Variants in ELOVL5 observed in about 807,000 individuals in gnomAD.
ELOVL5 encodes very long chain fatty acid elongase 5.
ELOVL5 carries 8 observed loss-of-function variants against 38.6 expected under a neutral mutation model. The ratio of observed to expected loss-of-function variants is 0.21; its 90% CI spans 0.12 to 0.37. The LOEUF (loss-of-function observed/expected upper bound fraction) is 0.37, where lower values mean the gene tolerates loss of function less well. ELOVL5 is among the 10% of genes least tolerant of loss of function. The pLI, the probability that ELOVL5 is intolerant of heterozygous loss-of-function variation, is 1.00. For synonymous variants in ELOVL5, 127 were observed against 133.7 expected, an observed-to-expected ratio of 0.95 and a Z score of 0.34; for missense variants, 280 against 367.8, an observed-to-expected ratio of 0.76 and a Z score of 1.95.
chr6:53,348,019 A>ACCC (rs1769638840), intron 1 of ELOVL5, among the ~76,000 whole-genome samples: 2 of 101,090 alleles, frequency 2.0e-5, no homozygotes, highest in African/African-American at 6.0e-5. Flanking sequence ...GCAGAGCACA[A>ACCC]CCGCCCCCCC....
At chr6:53,338,839 T>G (rs1196114894) in intron 1 of ELOVL5, among the ~76,000 whole-genome samples, 1 of 152,232 alleles carries the variant, frequency 6.6e-6, no homozygotes, top group Admixed American at 6.5e-5. Flanking sequence ...TTTGAGGAAA[T>G]TATCAATTGA....
intron 1 of ELOVL5, among the ~76,000 whole-genome samples, chr6:53,347,905 T>C (rs1160248979): frequency 6.6e-6 from 1 of 152,160 alleles, no homozygotes; most frequent in African/African-American, 2.4e-5. Flanking sequence ...CATTGCTCCG[T>C]CGACCCGAGG....
intron 1 of ELOVL5, among the ~76,000 whole-genome samples, chr6:53,324,993 CT>C (rs1768477740): frequency 6.6e-6 from 1 of 152,224 alleles, no homozygotes; most frequent in South Asian, 2.1e-4. Flanking sequence ...AAGCCAAAGA[CT>C]TTTTTTCTGG....
intron 1 of ELOVL5, among the ~76,000 whole-genome samples, chr6:53,323,352 C>A (rs543463630): frequency 6.6e-6 from 1 of 152,116 alleles, no homozygotes; most frequent in African/African-American, 2.4e-5. Context: ...TTATGTGACA[C>A]TTAATTTGGT....
chr6:53,317,606 G>A (rs1386123970), intron 1 of ELOVL5, among the ~76,000 whole-genome samples: 1 of 151,826 alleles, frequency 6.6e-6, no homozygotes, highest in East Asian at 1.9e-4. Flanking sequence ...AGAACACATG[G>A]ACATAGGAAG....
At chr6:53,344,559 A>C (rs1239737670) in intron 1 of ELOVL5, among the ~76,000 whole-genome samples, 32 of 152,186 alleles carry the variant, frequency 2.1e-4, no homozygotes, top group Admixed American at 2.1e-3. Context: ...TCTGAGCTGG[A>C]ATGCTTTGTG....
chr6:53,278,297 T>C (rs1394267798), intron 3 of ELOVL5, among the ~76,000 whole-genome samples: 1 of 152,140 alleles, frequency 6.6e-6, no homozygotes, highest in African/African-American at 2.4e-5. Flanking sequence ...CATTCATGAA[T>C]GTCTATCTTG....
rs770608544 is a variant in ELOVL5 at position 53,348,940 on chromosome 6, G to A, written c.-132C>T. ...AGACACCGGTGGCTAGGACCCGCGC[G>A]ATGGGAAGAGGAAGGCGCCGGCTAT... is the stretch of plus-strand genomic sequence containing the variant. On this transcript the variant is annotated 5_prime_UTR_variant, in exon 1 of 8. Transcript: ENST00000304434. The A allele has an allele frequency of 3.2e-5, 14 of 434,644 alleles. No homozygotes were observed. Among genetic ancestry groups the A allele is most frequent in the South Asian group, 9.5e-5 (6 of 62,986 alleles). The allele number at this position is 434,644 out of a possible 1,614,324, so 26.9% of individuals were successfully genotyped here.
chr6:53,322,447 T>C lies in ELOVL5; in HGVS notation c.-9+26370A>G, dbSNP rs564105012. On this transcript the variant is annotated intron_variant, in intron 1 of 7. Coordinates refer to ENST00000304434, the MANE Select transcript of ELOVL5 (RefSeq NM_021814.5). ...AAAGCAGTATAAAACAGCTTGACTT[T>C]TCCAATCCCATGCGGAGGCACTAAG... 3.4e-4 allele frequency among the ~76,000 whole-genome samples: 52 copies of C among 152,324 alleles called. 1 individual carries two copies. Among genetic ancestry groups the C allele is most frequent in the Admixed American group, 1.6e-3 (25 of 15,296 alleles).
At chr6:53,335,965 C>A (rs1163865327) in intron 1 of ELOVL5, among the ~76,000 whole-genome samples, 1 of 152,180 alleles carries the variant, frequency 6.6e-6, no homozygotes, top group African/African-American at 2.4e-5. Context: ...CAGGGTCATA[C>A]TAGCCCTGAA....
At position 53,328,979 on chromosome 6, in the gene ELOVL5, AT is replaced by A. The variant is rs574538665; in HGVS notation, c.-9+19837del. On this transcript the variant is annotated intron_variant, in intron 1 of 7. Transcript: ENST00000304434. ...CAAAAAGTACCTTACAGATATGTTC[AT>A]TTGATAAAAAGACCAAAACCAGCCC... 1.2e-3 allele frequency among the ~76,000 whole-genome samples: 185 copies of A among 152,370 alleles called. 1 individual carries two copies. Among genetic ancestry groups the A allele is most frequent in the Non-Finnish European group, 2.4e-3 (160 of 68,034 alleles).
At position 53,322,883 on chromosome 6, in the gene ELOVL5, C is replaced by T. The variant is rs116712645; in HGVS notation, c.-9+25934G>A. Reference sequence around the variant, plus strand: ...GAGTTAAGAGGATTTCATTATGAAACCATAATATTCTTCCTTTATTGAGTC... The same window carrying T: ...GAGTTAAGAGGATTTCATTATGAAATCATAATATTCTTCCTTTATTGAGTC... On this transcript the variant is annotated intron_variant, in intron 1 of 7. Transcript: ENST00000304434. 5.0e-4 allele frequency among the ~76,000 whole-genome samples: 76 copies of T among 152,316 alleles called. 1 individual carries two copies. The highest frequency in any genetic ancestry group is 1.7e-3 in the African/African-American group (70 of 41,560).
chr6:53,315,012 T>C (rs1187705980), intron 1 of ELOVL5, among the ~76,000 whole-genome samples: 1 of 152,236 alleles, frequency 6.6e-6, no homozygotes, highest in Admixed American at 6.5e-5. Context: ...TGCAACTGGG[T>C]TGGAGAAGAA....
chr6:53,293,204 G>A (rs1031312960), intron 2 of ELOVL5, among the ~76,000 whole-genome samples: 3 of 152,058 alleles, frequency 2.0e-5, no homozygotes, highest in Non-Finnish European at 2.9e-5. Context: ...TTAACTACCC[G>A]CCAAGGCTCA....
intron 1 of ELOVL5, among the ~76,000 whole-genome samples, chr6:53,329,174 T>C (rs907598177): frequency 7.0e-6 from 1 of 142,638 alleles, no homozygotes; most frequent in Non-Finnish European, 1.5e-5. Flanking sequence ...ATATATAAAG[T>C]ATAACTAACT....
At position 53,274,991 on chromosome 6, in the gene ELOVL5, C is replaced by A. The variant is rs148944826; in HGVS notation, c.496+99G>T. On this transcript the variant is annotated intron_variant, in intron 5 of 7. Coordinates refer to ENST00000304434, the MANE Select transcript of ELOVL5 (RefSeq NM_021814.5). ...CTTGAACACAAAGCTGAAAGCCTGA[C>A]CTAGACATTTACAGAAACAGCACCT... The A allele has an allele frequency of 8.3e-3, 9,875 of 1,185,908 alleles. 1,222 individuals are homozygous for A. The Admixed American group carries it at 0.22, about 26-fold the overall frequency. The allele number at this position is 1,185,908 out of a possible 1,614,324, so 73.5% of individuals were successfully genotyped here.
chr6:53,293,355 T>A (rs1298654636), intron 2 of ELOVL5, among the ~76,000 whole-genome samples: 1 of 152,228 alleles, frequency 6.6e-6, no homozygotes, highest in Non-Finnish European at 1.5e-5. Context: ...TCTCACTCTG[T>A]CGCCCAGGCT....
At chr6:53,347,016 C>T (rs943562809) in intron 1 of ELOVL5, among the ~76,000 whole-genome samples, 1 of 152,124 alleles carries the variant, frequency 6.6e-6, no homozygotes, top group Admixed American at 6.5e-5. Flanking sequence ...ACATAAAATC[C>T]CCATGTATAG....
At chr6:53,347,030 A>C (rs920695325) in intron 1 of ELOVL5, among the ~76,000 whole-genome samples, 1 of 152,246 alleles carries the variant, frequency 6.6e-6, no homozygotes, top group Admixed American at 6.5e-5. Context: ...TGTATAGACA[A>C]GGAAATTGAG....
Sources: gnomAD v4.1 joint callset for allele counts (sites outside exome capture counted in the v4.1 genomes callset) on GRCh38, gnomAD v4.1.1 for gene constraint, MANE v1.5 for transcripts, NCBI Gene and HGNC (gene_info 2026-07-23, HGNC 2026-07-21) for gene names.